USP42: variants seen among roughly 807,000 people sequenced by gnomAD.
USP42 encodes ubiquitin carboxyl-terminal hydrolase 42.
USP42 carries 23 observed loss-of-function variants against 113.0 expected under a neutral mutation model. The observed-to-expected ratio is 0.20, with a 90% CI of 0.15 to 0.29. The LOEUF is 0.29. USP42 is among the 10% of genes least tolerant of loss of function. USP42 has a pLI of 1.00. For synonymous variants in USP42, 933 were observed against 699.0 expected, an observed-to-expected ratio of 1.33 and a Z score of -5.28; for missense variants, 2,174 against 1,779.8, an observed-to-expected ratio of 1.22 and a Z score of -3.99.
upstream of USP42, among the ~76,000 whole-genome samples, chr7:6,103,828 G>A (rs1213940871): frequency 1.3e-5 from 2 of 151,166 alleles, no homozygotes; most frequent in Admixed American, 6.6e-5. Flanking sequence ...CCACGGAGGG[G>A]GAGCTGCTTG....
chr7:6,096,190 T>C, the USP42 span, among the ~76,000 whole-genome samples: 2 of 150,874 alleles, frequency 1.3e-5, no homozygotes, highest in Non-Finnish European at 2.9e-5. Flanking sequence ...TAGGTATACC[T>C]GGCCAGGCGT....
At chr7:6,114,872 A>C (rs1640639188) in intron 2 of USP42, among the ~76,000 whole-genome samples, 1 of 150,952 alleles carries the variant, frequency 6.6e-6, no homozygotes, top group Non-Finnish European at 1.5e-5. Context: ...TTGTATTTTT[A>C]GTAGAGACGG....
the USP42 span, among the ~76,000 whole-genome samples, chr7:6,099,243 C>T: frequency 1.8e-5 from 2 of 110,708 alleles, no homozygotes; most frequent in Admixed American, 1.2e-4. Context: ...GAGACGGAGT[C>T]TCGTTCTGTT....
intron 3 of USP42, among the ~76,000 whole-genome samples, chr7:6,126,254 G>C (rs1780535331): frequency 6.6e-6 from 1 of 151,766 alleles, no homozygotes; most frequent in African/African-American, 2.4e-5. Flanking sequence ...TTCATTGGTA[G>C]GTAGTATTTC....
At chr7:6,146,985 C>T (rs777296055) in intron 11 of USP42, among the ~76,000 whole-genome samples, 43 of 152,258 alleles carry the variant, frequency 2.8e-4, no homozygotes, top group Non-Finnish European at 5.9e-4. Flanking sequence ...CAGCTCTGTC[C>T]TGTTGTGGCT....
chr7:6,156,663 C>A lies in USP42; in HGVS notation c.3642-91C>A. 2.8e-6 allele frequency: 4 copies of A among 1,446,020 alleles called. No individual in the cohort carries two copies. In the South Asian group the frequency reaches 6.2e-5, roughly 22 times the overall value. The allele number at this position is 1,446,020 out of a possible 1,614,324, so 89.6% of individuals were successfully genotyped here. A position where few individuals can be genotyped will look rare whatever the true frequency, so the allele number is the denominator to read the frequency against. On this transcript the variant is annotated intron_variant, in intron 15 of 17. Transcript: ENST00000306177. The stretch of plus-strand genomic sequence containing the variant: ...TGTGCGTGTCTGCACAGTGAATGTT[C>A]TCGGTGAATGGGTGGAAAGGCCAAG...
Position 6,155,148 on chromosome 7 carries a change from AAAG to A in USP42, c.3600_3602del (p.Lys1203del). On this transcript the variant is annotated inframe_deletion, in exon 15 of 18. Coordinates refer to ENST00000306177, the MANE Select transcript of USP42 (RefSeq NM_032172.3). ...CTAAAGCAAAGAAGCACAAAAAATCAAAGAAGAAAAAGAAATCCAAAGACAAAC... is the reference window on the plus strand; with the variant it reads ...CTAAAGCAAAGAAGCACAAAAAATCAAAGAAAAAGAAATCCAAAGACAAAC... 1.4e-5 allele frequency: 21 copies of A among 1,546,390 alleles called. No individual in the cohort carries two copies. Among genetic ancestry groups the A allele is most frequent in the South Asian group, 2.4e-5 (2 of 83,750 alleles).
chr7:6,107,850 T>C (rs2128474116), intron 1 of USP42, among the ~76,000 whole-genome samples: 1 of 152,336 alleles, frequency 6.6e-6, no homozygotes, highest in South Asian at 2.1e-4. Context: ...GTCAGCTACC[T>C]TTGATTGATT....
intron 3 of USP42, among the ~76,000 whole-genome samples, chr7:6,127,694 C>G (rs182945105): frequency 6.6e-6 from 1 of 152,174 alleles, no homozygotes; most frequent in East Asian, 1.9e-4. Flanking sequence ...GTCTTGTCAT[C>G]GGTTAGAATG....
chr7:6,130,857 G>A (rs1780813091), intron 3 of USP42, among the ~76,000 whole-genome samples: 1 of 152,176 alleles, frequency 6.6e-6, no homozygotes, highest in African/African-American at 2.4e-5. Flanking sequence ...GAAGACAGGA[G>A]CAAGGGGAAG....
At chr7:6,145,312 T>TA (rs886393291) in intron 9 of USP42, among the ~76,000 whole-genome samples, 16 of 149,284 alleles carry the variant, frequency 1.1e-4, no homozygotes, top group Non-Finnish European at 1.8e-4. Flanking sequence ...GCCTGGGTGA[T>TA]AGAGTGGCAC....
At chr7:6,096,927 C>CT in the USP42 span, among the ~76,000 whole-genome samples, 1 of 95,956 alleles carries the variant, frequency 1.0e-5, no homozygotes, top group African/African-American at 7.9e-5. Context: ...TTCTTTCTTT[C>CT]TTTTCTTTTT....
chr7:6,157,128 C>T lies in USP42; in HGVS notation c.3943+73C>T. 1.4e-6 allele frequency: 2 copies of T among 1,457,244 alleles called. No individual in the cohort carries two copies. The highest frequency in any genetic ancestry group is 2.4e-5 in the East Asian group (1 of 40,932). 90.3% of individuals were successfully genotyped at this position (1,457,244 alleles called of 1,614,324 possible). A position where few individuals can be genotyped will look rare whatever the true frequency, so the allele number is the denominator to read the frequency against. ...ACATTTTCTTTGCAAAGGTGATTAA[C>T]ATGTAGAAAGAAAACCTCAGGTGGC... is the stretch of plus-strand genomic sequence containing the variant. On this transcript the variant is annotated intron_variant, in intron 16 of 17. Transcript: ENST00000306177. This position sits in a 1 kb window ranked among gnomAD's most constrained non-coding sequence, Gnocchi z 4.1.
chr7:6,132,033 A>G (rs1289761032), intron 3 of USP42, among the ~76,000 whole-genome samples: 3 of 152,162 alleles, frequency 2.0e-5, no homozygotes, highest in Non-Finnish European at 4.4e-5. Flanking sequence ...CTTGGGCTCA[A>G]GTAATCCTCC....
At chr7:6,108,070 G>A (rs967413018) in intron 1 of USP42, among the ~76,000 whole-genome samples, 5 of 152,114 alleles carry the variant, frequency 3.3e-5, no homozygotes, top group African/African-American at 1.2e-4. Flanking sequence ...TGTAGTCCCA[G>A]CTACCCTGGA....
At chr7:6,125,251 G>C (rs1029561218) in intron 3 of USP42, among the ~76,000 whole-genome samples, 1 of 151,348 alleles carries the variant, frequency 6.6e-6, no homozygotes. Context: ...CACTTTGAGA[G>C]GCTGAGGCTG....
the USP42 span, among the ~76,000 whole-genome samples, chr7:6,090,437 A>C: frequency 6.5e-4 from 95 of 145,060 alleles, 1 homozygote; most frequent in Non-Finnish European, 1.2e-4. Flanking sequence ...TATATATGCC[A>C]GGCACAGTGG....
At chr7:6,112,364 G>A (rs112104657) in intron 2 of USP42, among the ~76,000 whole-genome samples, 4 of 151,978 alleles carry the variant, frequency 2.6e-5, no homozygotes, top group South Asian at 2.1e-4. Context: ...CAGGAGAATC[G>A]CATGAACCTG....
In USP42 at chr7:6,159,680, C is replaced by T. The variant is rs1010479727; in HGVS notation, c.*36+187C>T. On this transcript the variant is annotated intron_variant, in intron 17 of 17. Transcript: ENST00000306177. The surrounding 1 kb of genome is among the most constrained non-coding windows in gnomAD (Gnocchi z 4.1). ...CCACGCGCTTGGGGACAGACCTAGA[C>T]CCTCCACCTCATCACGTTTGCATTA... Among the ~76,000 whole-genome samples the T allele has an allele frequency of 6.6e-5, 10 of 152,182 alleles. No homozygotes were observed. The highest frequency in any genetic ancestry group is 2.4e-4 in the African/African-American group (10 of 41,430).
Sources: gnomAD v4.1 joint callset for allele counts (sites outside exome capture counted in the v4.1 genomes callset) on GRCh38, gnomAD v4.1.1 for gene constraint, Gnocchi (gnomAD v3.1) non-coding constraint, MANE v1.5 for transcripts, NCBI Gene and HGNC (gene_info 2026-07-23, HGNC 2026-07-21) for gene names.